DNAI3: variants seen among roughly 807,000 people sequenced by gnomAD.
DNAI3 encodes dynein axonemal intermediate chain 3.
Under a neutral mutation model 115.5 loss-of-function variants are expected in DNAI3, and 83 were observed. The observed-to-expected ratio is 0.72, with a 90% CI of 0.60 to 0.86. DNAI3 has a LOEUF of 0.86. DNAI3 is among the 40% of genes least tolerant of loss of function. The pLI, the probability that DNAI3 is intolerant of heterozygous loss-of-function variation, is 0.00. For missense variants in DNAI3, 1,004 were observed against 1,075.8 expected (o/e 0.93, Z 0.93); for synonymous variants, 320 against 347.0 (o/e 0.92, Z 0.86).
At chr1:85,093,433 T>C (rs771378003) in intron 8 of DNAI3, 25 bp from the exon 9 acceptor site, 1 of 1,544,956 alleles carries the variant, frequency 6.5e-7, no homozygotes, top group South Asian at 1.1e-5. Context: ...ATATCTTAAT[T>C]GCTTTTTTTA....
chr1:85,094,922 G>A (rs375707445), intron 10 of DNAI3, among the ~76,000 whole-genome samples: 6 of 152,212 alleles, frequency 3.9e-5, no homozygotes, highest in African/African-American at 1.2e-4. Flanking sequence ...AAAGGTGAAT[G>A]TGTGGGAGAG....
At chr1:85,098,683 T>C (rs765425965) in intron 13 of DNAI3, 25 bp downstream of exon 13, 56 of 1,604,230 alleles carry the variant, frequency 3.5e-5, no homozygotes, top group Non-Finnish European at 4.5e-5. Flanking sequence ...CCTTATACTT[T>C]TCTCCTGCTG....
chr1:85,083,198 A>G (rs1654683442), intron 5 of DNAI3, among the ~76,000 whole-genome samples: 1 of 152,234 alleles, frequency 6.6e-6, no homozygotes, highest in Non-Finnish European at 1.5e-5. Flanking sequence ...TATAATTAAA[A>G]AAATATCTAG....
intron 1 of DNAI3, among the ~76,000 whole-genome samples, chr1:85,069,618 C>T (rs1654206856): frequency 6.6e-6 from 1 of 151,990 alleles, no homozygotes; most frequent in Admixed American, 6.6e-5. Context: ...GAACTCCTGA[C>T]CTCGCGATCC....
chr1:85,063,898 A>G (rs549640188), intron 1 of DNAI3, among the ~76,000 whole-genome samples: 4 of 152,242 alleles, frequency 2.6e-5, no homozygotes, highest in African/African-American at 7.2e-5. Flanking sequence ...AATGTATTCA[A>G]TTGGTAACAA....
At chr1:85,131,009 A>G (rs1656304593) in intron 22 of DNAI3, among the ~76,000 whole-genome samples, 1 of 152,092 alleles carries the variant, frequency 6.6e-6, no homozygotes, top group African/African-American at 2.4e-5. Flanking sequence ...CCTCAGTCTC[A>G]ATTTCTGTTT....
intron 9 of DNAI3, chr1:85,094,073 G>C: frequency 5.0e-6 from 2 of 398,986 alleles, no homozygotes; most frequent in South Asian, 4.3e-5. Flanking sequence ...GATGTGCAAA[G>C]ATGGAAACAT....
intron 13 of DNAI3, among the ~76,000 whole-genome samples, chr1:85,101,659 C>T (rs1041039878): frequency 1.6e-5 from 2 of 123,324 alleles, no homozygotes; most frequent in African/African-American, 6.2e-5. Context: ...ACCGGAGAGG[C>T]GGAGCTTGCA....
intron 15 of DNAI3, 104 bp from the exon 16 acceptor site, chr1:85,109,944 G>A: frequency 2.9e-6 from 3 of 1,032,074 alleles, no homozygotes; most frequent in South Asian, 2.9e-5. Context: ...AAAAGGAGGT[G>A]GGTTTCCTTC....
At chr1:85,087,498 C>CTA (rs933322338) in intron 7 of DNAI3, among the ~76,000 whole-genome samples, 13 of 147,204 alleles carry the variant, frequency 8.8e-5, no homozygotes, top group Non-Finnish European at 1.1e-4. Flanking sequence ...CCATTACCAT[C>CTA]TATCCCCTTA....
chr1:85,105,105 TATC>T (rs1213142708), intron 14 of DNAI3, among the ~76,000 whole-genome samples: 3 of 152,288 alleles, frequency 2.0e-5, no homozygotes, highest in African/African-American at 7.2e-5. Flanking sequence ...TGAAGAGTAA[TATC>T]ATTATCTAGC....
At position 85,119,307 on chromosome 1, in the gene DNAI3, C is replaced by T. The variant is rs780244361; in HGVS notation, c.1917+1448C>T. Among the ~76,000 whole-genome samples, 12 of 152,144 alleles carry T rather than the reference C, an allele frequency of 7.9e-5. No individual in the cohort carries two copies. In the East Asian group the frequency reaches 1.2e-3, roughly 15 times the overall value. ...GAACTTTTCCTCATCCCAAACTGGG[C>T]GTCTGTACGCACTAAACACTAACTC... On this transcript the variant is annotated intron_variant, in intron 17 of 22. Transcript: ENST00000294664.
chr1:85,131,440 A>G, intron 22 of DNAI3, among the ~76,000 whole-genome samples: 2 of 81,834 alleles, frequency 2.4e-5, no homozygotes, highest in Non-Finnish European at 4.6e-5. Flanking sequence ...GCGAAACTCC[A>G]TCTCAAAAAA....
chr1:85,101,296 C>T (rs1273049585), intron 13 of DNAI3, among the ~76,000 whole-genome samples: 4 of 151,936 alleles, frequency 2.6e-5, no homozygotes, highest in Non-Finnish European at 4.4e-5. Context: ...AAATAGCCCA[C>T]GTATAGTTTC....
At chr1:85,104,017 T>C (rs954971168) in intron 13 of DNAI3, among the ~76,000 whole-genome samples, 2 of 151,288 alleles carry the variant, frequency 1.3e-5, no homozygotes, top group South Asian at 2.1e-4. Flanking sequence ...ATTACTACTA[T>C]GTAAAAATGT....
At chr1:85,111,807 A>G (rs1188749685) in intron 16 of DNAI3, among the ~76,000 whole-genome samples, 1 of 152,190 alleles carries the variant, frequency 6.6e-6, no homozygotes. Context: ...ATTGACATAC[A>G]ATGAACTGCA....
chr1:85,068,326 C>CT (rs1654160322), intron 1 of DNAI3, among the ~76,000 whole-genome samples: 1 of 152,162 alleles, frequency 6.6e-6, no homozygotes, highest in Non-Finnish European at 1.5e-5. Flanking sequence ...CAACTCCATG[C>CT]TTTCAATTTC....
intron 7 of DNAI3, 65 bp downstream of exon 7, chr1:85,086,095 A>G: frequency 6.8e-7 from 1 of 1,464,550 alleles, no homozygotes; most frequent in Non-Finnish European, 9.4e-7. Flanking sequence ...AACTTCCATT[A>G]TTATTTTGAG....
intron 13 of DNAI3, among the ~76,000 whole-genome samples, chr1:85,102,788 A>G (rs1655364838): frequency 6.6e-6 from 1 of 152,218 alleles, no homozygotes; most frequent in Non-Finnish European, 1.5e-5. Flanking sequence ...ATCATGTCAC[A>G]GTGTTTCCAT....
Sources: allele counts gnomAD v4.1 joint callset (sites outside exome capture counted in the v4.1 genomes callset), GRCh38; gene constraint gnomAD v4.1.1; transcripts MANE v1.5; gene names NCBI Gene and HGNC (gene_info 2026-07-23, HGNC 2026-07-21).